The following SLC5A11 variants were observed in gnomAD, a reference collection of about 807,000 sequenced individuals.
SLC5A11 encodes the protein solute carrier family 5 member 11.
A neutral mutation model predicts 69.8 loss-of-function variants in SLC5A11; 48 were observed. The observed-to-expected ratio is 0.69, with a 90% CI of 0.55 to 0.87. The LOEUF is 0.87. Ranked by LOEUF, SLC5A11 falls within the 40% of genes least tolerant of loss-of-function variation. The pLI, the probability that SLC5A11 is intolerant of heterozygous loss-of-function variation, is 0.00. For synonymous variants in SLC5A11, 319 were observed against 342.4 expected (o/e 0.93, Z 0.75); for missense variants, 784 against 866.1 (o/e 0.91, Z 1.19).
intron 1 of SLC5A11, 55 bp from the exon 3 acceptor site, chr16:24,858,565 G>A (rs2059628639): frequency 1.3e-5 from 20 of 1,508,054 alleles, no homozygotes; most frequent in Non-Finnish European, 1.8e-5. Flanking sequence ...CTACAGAAAG[G>A]GTGAGAAGAA....
Position 24,896,942 on chromosome 16 carries a change from C to CTT in SLC5A11, c.871-1005_871-1004dup, listed in dbSNP as rs869210839. On this transcript the variant is annotated intron_variant, in intron 9 of 15. Coordinates refer to ENST00000347898, the Ensembl canonical transcript of SLC5A11. Reference sequence around the variant, plus strand: ...CACCAGGAGTTAGACAACCTCCTTCCTTTTTTTTTTTTTTTTTTTTTTTTT... The same window carrying CTT: ...CACCAGGAGTTAGACAACCTCCTTCCTTTTTTTTTTTTTTTTTTTTTTTTTTT... 6.5e-3 allele frequency among the ~76,000 whole-genome samples: 631 copies of CTT among 97,108 alleles called. 67 individuals are homozygous for CTT. The highest frequency in any genetic ancestry group is 0.026 in the African/African-American group (524 of 19,960). The allele number at this position is 97,108 out of a possible 152,430, so 63.7% of individuals were successfully genotyped here.
chr16:24,897,206 G>A (rs1323226837), intron 9 of SLC5A11, among the ~76,000 whole-genome samples: 1 of 151,790 alleles, frequency 6.6e-6, no homozygotes, highest in East Asian at 1.9e-4. Context: ...CTCCTGCTTT[G>A]GCCTCCCAAA....
intron 2 of SLC5A11, among the ~76,000 whole-genome samples, chr16:24,860,680 G>GA (rs1192838846): frequency 6.6e-6 from 1 of 152,006 alleles, no homozygotes; most frequent in Admixed American, 6.6e-5. Context: ...GTCAGACTAG[G>GA]AAAAATAATA....
At chr16:24,896,072 T>C (rs1427694662) in intron 9 of SLC5A11, among the ~76,000 whole-genome samples, 1 of 151,642 alleles carries the variant, frequency 6.6e-6, no homozygotes, top group Non-Finnish European at 1.5e-5. Context: ...TTTTTTTTTT[T>C]TCTGGGCGTG....
At chr16:24,862,103 A>G (rs1425203934) in intron 2 of SLC5A11, 2 of 152,330 alleles carry the variant, frequency 1.3e-5, no homozygotes, top group South Asian at 2.1e-4. Flanking sequence ...TTGTTTAAAA[A>G]TCACCCAGTT....
intron 4 of SLC5A11, among the ~76,000 whole-genome samples, chr16:24,871,131 C>T (rs2047269635): frequency 6.6e-6 from 1 of 152,150 alleles, no homozygotes; most frequent in South Asian, 2.1e-4. Context: ...GTTCCATATG[C>T]TATCACATTA....
chr16:24,846,920 A>G (rs1019099200), intron 1 of SLC5A11, among the ~76,000 whole-genome samples: 5 of 152,254 alleles, frequency 3.3e-5, no homozygotes, highest in African/African-American at 1.2e-4. Context: ...AGACACGTGC[A>G]GAGAACTTTA....
chr16:24,874,950 G>T (rs192730914), intron 5 of SLC5A11, among the ~76,000 whole-genome samples: 1 of 152,040 alleles, frequency 6.6e-6, no homozygotes, highest in Non-Finnish European at 1.5e-5. Context: ...CTTTGAGGAA[G>T]TAACTTGTCT....
At chr16:24,866,231 A>G (rs1486886948) in intron 3 of SLC5A11, among the ~76,000 whole-genome samples, 1 of 151,732 alleles carries the variant, frequency 6.6e-6, no homozygotes, top group Non-Finnish European at 1.5e-5. Flanking sequence ...CACTCCAATC[A>G]AAAGGCAGAG....
chr16:24,870,317 C>G (rs544658573), intron 4 of SLC5A11, among the ~76,000 whole-genome samples: 1 of 151,854 alleles, frequency 6.6e-6, no homozygotes, highest in Non-Finnish European at 1.5e-5. Flanking sequence ...CATCTGAACC[C>G]GGGAGGCGGA....
At chr16:24,860,757 G>A (rs1411132134) in intron 2 of SLC5A11, among the ~76,000 whole-genome samples, 3 of 151,968 alleles carry the variant, frequency 2.0e-5, no homozygotes, top group Non-Finnish European at 2.9e-5. Context: ...TCAGCCTGGA[G>A]TGCACTGGTG....
chr16:24,862,475 T>C, intron 2 of SLC5A11, 126 bp from the exon 4 acceptor site: 1 of 586,160 alleles, frequency 1.7e-6, no homozygotes, highest in Non-Finnish European at 3.0e-6. Context: ...AGAAACAAAA[T>C]ATATTTGATA....
At chr16:24,890,753 T>A (rs985594502) in intron 8 of SLC5A11, 116 bp from the exon 10 acceptor site, 17 of 929,004 alleles carry the variant, frequency 1.8e-5, no homozygotes, top group Non-Finnish European at 2.6e-5. Flanking sequence ...CTTAAGGGGA[T>A]TAACATTTTT....
At chr16:24,871,357 A>G (rs1169445975) in intron 4 of SLC5A11, among the ~76,000 whole-genome samples, 1 of 151,944 alleles carries the variant, frequency 6.6e-6, no homozygotes, top group Non-Finnish European at 1.5e-5. Context: ...TGCAACCTCC[A>G]CCTCTCAGGC....
At chr16:24,884,522 T>G (rs1421907357) in intron 8 of SLC5A11, among the ~76,000 whole-genome samples, 8 of 145,994 alleles carry the variant, frequency 5.5e-5, no homozygotes, top group South Asian at 2.2e-4. Context: ...TGTTTTTTTT[T>G]TTTTTTTTTG....
At chr16:24,909,131 T>C in intron 14 of SLC5A11, 35 bp downstream of exon 15, 1 of 1,600,924 alleles carries the variant, frequency 6.2e-7, no homozygotes, top group Non-Finnish European at 8.6e-7. Context: ...CCGTTGAGAC[T>C]TTTTGTTGGA....
intron 4 of SLC5A11, among the ~76,000 whole-genome samples, chr16:24,870,409 AC>A (rs1306672433): frequency 1.5e-4 from 23 of 148,484 alleles, no homozygotes; most frequent in Non-Finnish European, 3.0e-4. Context: ...CCACAAAAAA[AC>A]AAAACAAAAC....
At chr16:24,890,713 T>TA (rs1436890451) in intron 8 of SLC5A11, among the ~76,000 whole-genome samples, 156 bp from the exon 10 acceptor site, 1 of 151,954 alleles carries the variant, frequency 6.6e-6, no homozygotes, top group Non-Finnish European at 1.5e-5. Context: ...TTTTTTAAGT[T>TA]AAAAAAATGT....
At chr16:24,890,830 A>G (rs1218165782) in intron 8 of SLC5A11, 39 bp from the exon 10 acceptor site, 4 of 1,604,520 alleles carry the variant, frequency 2.5e-6, no homozygotes, top group Non-Finnish European at 3.4e-6. Context: ...CCATGGACCA[A>G]TCTGAGTTCC....
Sources: allele counts gnomAD v4.1 joint callset (sites outside exome capture counted in the v4.1 genomes callset), GRCh38; gene constraint gnomAD v4.1.1; transcripts MANE v1.5; gene names NCBI Gene and HGNC (gene_info 2026-07-23, HGNC 2026-07-21).